Variants in SRRM3 observed in about 807,000 individuals in gnomAD.
SRRM3 encodes the protein serine/arginine repetitive matrix 3, also known as serine/arginine repetitive matrix protein 3.
In SRRM3, 27 loss-of-function variants were observed where a neutral mutation model predicts 66.2. That is an observed-to-expected ratio of 0.41 (90% CI 0.30 to 0.56). SRRM3 has a LOEUF of 0.56. SRRM3 is among the 20% of genes least tolerant of loss of function. The probability of loss-of-function intolerance (pLI) is 0.32; values close to 1 mark genes in which losing one functional copy is unlikely to be tolerated. For synonymous variants in SRRM3, 391 were observed against 414.9 expected (o/e 0.94, Z 0.70); for missense variants, 918 against 991.9 (o/e 0.93, Z 1.00).
chr7:76,265,586 A>G (rs1801988912), intron 10 of SRRM3, 118 bp downstream of exon 10: 2 of 795,054 alleles, frequency 2.5e-6, no homozygotes, highest in South Asian at 4.2e-5. Flanking sequence ...CGGTGGGTAG[A>G]AGTTTATCAG....
chr7:76,281,556 G>C lies in SRRM3; in HGVS notation c.1124G>C (p.Arg375Pro). ...CGCTCGGCGCCGTCGTCCCAAGGTC[G>C]CGGAGGCCGCGCGGCGGGCGGGGCG... ...SPRSAPSSQG[R>P]GGRAAGGAGR... The change falls in exon 12 of 15, where the codon CGC (arginine) becomes CCC (proline). Residue 375 changes from arginine to proline, a missense_variant. Coordinates refer to ENST00000611745, the MANE Select transcript of SRRM3 (RefSeq NM_001110199.3). 9 of 1,062,940 alleles carry C rather than the reference G, an allele frequency of 8.5e-6. No homozygotes were observed. The highest frequency in any genetic ancestry group is 1.0e-5 in the Non-Finnish European group (9 of 880,614). The allele number at this position is 1,062,940 out of a possible 1,614,324, so 65.8% of individuals were successfully genotyped here.
intron 1 of SRRM3, among the ~76,000 whole-genome samples, chr7:76,214,707 C>G (rs1365863273): frequency 1.3e-5 from 2 of 152,068 alleles, no homozygotes; most frequent in African/African-American, 4.8e-5. Flanking sequence ...AACTCTTCCT[C>G]TCCCTTAGTT....
At chr7:76,283,686 C>T (rs929071316) in intron 14 of SRRM3, 1 of 809,084 alleles carries the variant, frequency 1.2e-6, no homozygotes, top group Non-Finnish European at 1.8e-6. Context: ...GGAGGGGGCA[C>T]AGCAGTCTGG....
At chr7:76,222,061 G>A (rs1800737345) in intron 1 of SRRM3, among the ~76,000 whole-genome samples, 1 of 152,170 alleles carries the variant, frequency 6.6e-6, no homozygotes, top group Admixed American at 6.5e-5. Flanking sequence ...ATCGGCACGG[G>A]TCTGTCTTGG....
At chr7:76,263,877 CAAAAA>C (rs781852712) in intron 8 of SRRM3, among the ~76,000 whole-genome samples, 4 of 49,522 alleles carry the variant, frequency 8.1e-5, no homozygotes, top group African/African-American at 1.2e-4. Context: ...TGTCTCAAGA[CAAAAA>C]AAAAAAAAAA....
At chr7:76,276,634 G>A (rs1175057599) in intron 11 of SRRM3, among the ~76,000 whole-genome samples, 1 of 152,224 alleles carries the variant, frequency 6.6e-6, no homozygotes, top group Admixed American at 6.5e-5. Flanking sequence ...GGGAGGTTCG[G>A]AGGTCTCTGA....
chr7:76,250,596 A>T (rs1554606766), intron 3 of SRRM3, among the ~76,000 whole-genome samples: 1 of 152,008 alleles, frequency 6.6e-6, no homozygotes, highest in Non-Finnish European at 1.5e-5. Flanking sequence ...AAACGGGGAA[A>T]CCCTTCTTGC....
rs151113530 is a variant in SRRM3 at position 76,232,478 on chromosome 7, G to A, written c.-39-2550G>A. Among the ~76,000 whole-genome samples the A allele has an allele frequency of 4.9e-3, 747 of 152,098 alleles. 7 individuals are homozygous for A. The highest frequency in any genetic ancestry group is 0.016 in the African/African-American group (678 of 41,468). The stretch of plus-strand genomic sequence containing the variant: ...TCCCAGCTACTCAGGAGGCTGAGGC[G>A]GGAGAATCACTTGAACCCAGGAGGT... On this transcript the variant is annotated intron_variant, in intron 1 of 14. Transcript: ENST00000611745.
intron 3 of SRRM3, among the ~76,000 whole-genome samples, chr7:76,251,376 C>CTT (rs782717745): frequency 5.6e-5 from 8 of 142,430 alleles, no homozygotes; most frequent in Admixed American, 7.1e-5. Flanking sequence ...CCCAGCAGCA[C>CTT]TTTTTTTTTT....
chr7:76,271,361 C>G (rs1217254642), intron 11 of SRRM3, among the ~76,000 whole-genome samples: 3 of 152,056 alleles, frequency 2.0e-5, no homozygotes, highest in African/African-American at 7.3e-5. Flanking sequence ...CCTATAGTCT[C>G]ATCTACTGAG....
At chr7:76,265,831 TATATATA>T (rs1802001780) in intron 10 of SRRM3, among the ~76,000 whole-genome samples, 6 of 12,494 alleles carry the variant, frequency 4.8e-4, no homozygotes, top group South Asian at 7.4e-3. Flanking sequence ...TAAATATTTA[TATATATA>T]TATATATATA....
Position 76,282,768 on chromosome 7 carries a change from C to A in SRRM3, c.1491C>A (p.Arg497=). ...CGCGCAGCCCCGGCCCGCACCCCCG[C>A]TCCTGGAGCTCCAGCCGCTCGCCCT... ...SSSRSPGPHP[R]SWSSSRSPSK... Residue 497 remains arginine, a synonymous_variant, in exon 13 of 15, where the codon CGC becomes CGA. Coordinates refer to ENST00000611745, the MANE Select transcript of SRRM3 (RefSeq NM_001110199.3). 1 of 1,465,538 alleles carries A rather than the reference C, an allele frequency of 6.8e-7. No homozygotes were observed. 90.8% of individuals were successfully genotyped at this position (1,465,538 alleles called of 1,614,324 possible). A position where few individuals can be genotyped will look rare whatever the true frequency, so the allele number is the denominator to read the frequency against.
At chr7:76,283,309 CAG>C (rs1802580316) in intron 14 of SRRM3, among the ~76,000 whole-genome samples, 1 of 151,324 alleles carries the variant, frequency 6.6e-6, no homozygotes, top group African/African-American at 2.4e-5. Context: ...TGGGGTCTAT[CAG>C]AGAGACAGGT....
intron 8 of SRRM3, among the ~76,000 whole-genome samples, chr7:76,264,181 T>TC (rs1282555822): frequency 6.7e-6 from 1 of 150,316 alleles, no homozygotes; most frequent in African/African-American, 2.5e-5. Flanking sequence ...TTTTTTTTTT[T>TC]CCTGAGACGG....
In SRRM3 at chr7:76,281,508, G is replaced by A. The variant is rs555491746; in HGVS notation, c.1076G>A (p.Arg359Gln). 4.1e-6 allele frequency: 5 copies of A among 1,211,986 alleles called. No individual in the cohort carries two copies. Among genetic ancestry groups the A allele is most frequent in the Admixed American group, 4.4e-5 (1 of 22,694 alleles). The allele number at this position is 1,211,986 out of a possible 1,614,324, so 75.1% of individuals were successfully genotyped here. The part of the protein sequence containing the change: ...AAAAAPTPPA[R>Q]GKESPSPRSA... Reference sequence around the variant, plus strand: ...GCCGCCGCACCCACGCCGCCCGCGCGGGGGAAGGAGAGCCCGAGCCCGCGC... The same window carrying A: ...GCCGCCGCACCCACGCCGCCCGCGCAGGGGAAGGAGAGCCCGAGCCCGCGC... Residue 359 changes from arginine (R) to glutamine (Q), a missense_variant, in exon 12 of 15, where the codon CGG (arginine) becomes CAG (glutamine). By Grantham distance (43) the Arg-to-Gln change is conservative. Transcript: ENST00000611745.
chr7:76,282,581 ACCCT>A, intron 12 of SRRM3, 63 bp from the exon 13 acceptor site: 1 of 579,420 alleles, frequency 1.7e-6, no homozygotes, highest in Non-Finnish European at 2.5e-6. Flanking sequence ...GCCCCAGGGA[ACCCT>A]CCCCGCCCCC....
At chr7:76,259,801 T>G in intron 3 of SRRM3, 105 bp from the exon 4 acceptor site, 8 of 1,547,074 alleles carry the variant, frequency 5.2e-6, no homozygotes, top group Non-Finnish European at 7.0e-6. Context: ...CCCAGCCGGG[T>G]AGCAGCCCGC....
At chr7:76,211,754 C>T (rs981147620) in intron 1 of SRRM3, among the ~76,000 whole-genome samples, 10 of 151,616 alleles carry the variant, frequency 6.6e-5, no homozygotes, top group African/African-American at 2.4e-4. Flanking sequence ...CAGGACCCAC[C>T]CAAAACGACT....
chr7:76,270,218 T>C (rs1180031558), intron 11 of SRRM3, among the ~76,000 whole-genome samples: 1 of 152,096 alleles, frequency 6.6e-6, no homozygotes, highest in Non-Finnish European at 1.5e-5. Context: ...TACTCCTCGG[T>C]TCAGTTTAGT....
Sources: gnomAD v4.1 joint callset for allele counts (sites outside exome capture counted in the v4.1 genomes callset) on GRCh38, gnomAD v4.1.1 for gene constraint, MANE v1.5 for transcripts, NCBI Gene and HGNC (gene_info 2026-07-23, HGNC 2026-07-21) for gene names.